Variants in KCNT1 observed in about 807,000 individuals in gnomAD.
KCNT1 encodes the protein potassium channel subfamily T member 1.
In KCNT1, 78 loss-of-function variants were observed where a neutral mutation model predicts 147.8. The ratio of observed to expected loss-of-function variants is 0.53; its 90% CI spans 0.44 to 0.64. The LOEUF is 0.64. Ranked by LOEUF, KCNT1 falls within the 30% of genes least tolerant of loss-of-function variation. The probability of loss-of-function intolerance (pLI) is 0.00; values close to 1 mark genes in which losing one functional copy is unlikely to be tolerated. For synonymous variants in KCNT1, 867 were observed against 748.8 expected, an observed-to-expected ratio of 1.16 and a Z score of -2.58; for missense variants, 1,419 against 1,750.3, an observed-to-expected ratio of 0.81 and a Z score of 3.38.
Position 135,702,194 on chromosome 9 carries a change from C to T in KCNT1, c.-65C>T, listed in dbSNP as rs1835059422. On this transcript the variant is annotated 5_prime_UTR_variant, in exon 1 of 31. Transcript: ENST00000371757. Reference sequence around the variant, plus strand: ...AAAAAAAATGTTTTTCAGGGCAACGCGAGGGAAGAAGGTGGCGGCTCCCAC... The same window carrying T: ...AAAAAAAATGTTTTTCAGGGCAACGTGAGGGAAGAAGGTGGCGGCTCCCAC... The T allele has an allele frequency of 8.2e-7, 1 of 1,215,960 alleles. No individual in the cohort carries two copies. Among genetic ancestry groups the T allele is most frequent in the Admixed American group, 2.0e-5 (1 of 50,010 alleles). 75.3% of individuals were successfully genotyped at this position (1,215,960 alleles called of 1,614,324 possible).
In KCNT1 at chr9:135,777,321, C is replaced by G. The variant is rs1057522624; in HGVS notation, c.2350-17C>G. The G allele has an allele frequency of 6.2e-7, 1 of 1,609,586 alleles. No homozygotes were observed. The highest frequency in any genetic ancestry group is 8.5e-7 in the Non-Finnish European group (1 of 1,177,386). ...CACAGCCCTGACTCCAGCCCTGACT[C>G]CAGCATCTGCCCCCAGGGCTGCAAG... On this transcript the variant is annotated splice_polypyrimidine_tract_variant and intron_variant, in intron 20 of 30. Coordinates refer to ENST00000371757, the MANE Select transcript of KCNT1 (RefSeq NM_020822.3).
intron 11 of KCNT1, among the ~76,000 whole-genome samples, chr9:135,760,249 G>A (rs1037004275): frequency 3.2e-4 from 48 of 152,296 alleles, no homozygotes; most frequent in African/African-American, 1.1e-3. Context: ...ACACCCCCCC[G>A]GCCACCCCAG....
At chr9:135,770,140 T>TGGGCTTCCCAGAGGAG (rs1238532652) in intron 16 of KCNT1, 85 bp downstream of exon 16, 26 of 1,405,430 alleles carry the variant, frequency 1.8e-5, no homozygotes, top group Non-Finnish European at 2.1e-5. Context: ...GGGGCGGGGA[T>TGGGCTTCCCAGAGGAG]GGGCTTCCCA....
At chr9:135,771,213 C>A in intron 18 of KCNT1, 118 bp downstream of exon 18, 2 of 879,732 alleles carry the variant, frequency 2.3e-6, no homozygotes, top group Non-Finnish European at 1.7e-6. Flanking sequence ...GGGAGGTGAC[C>A]AGGTGGGACA....
At position 135,784,559 on chromosome 9, in the gene KCNT1, A is replaced by G. The variant is rs1833884066; in HGVS notation, c.2968A>G (p.Thr990Ala). 6.8e-7 allele frequency: 1 copy of G among 1,462,560 alleles called. No homozygotes were observed. The highest frequency in any genetic ancestry group is 9.1e-7 in the Non-Finnish European group (1 of 1,100,098). 90.6% of individuals were successfully genotyped at this position (1,462,560 alleles called of 1,614,324 possible). The change falls in exon 26 of 31, where the codon ACC becomes GCC. Residue 990 changes from threonine (T) to alanine (A), a missense_variant. Around this residue, in one of 5 missense-constraint regions of KCNT1, gnomAD observed 247 missense variants for 397.1 expected, o/e 0.62. Coordinates refer to ENST00000371757, the MANE Select transcript of KCNT1 (RefSeq NM_020822.3). ...YQSFVKDYMI[T>A]ITRLLLGLDT... ...GTCCTTCGTGAAGGACTACATGATC[A>G]CCATCACCCGGCTGCTGCTGGGCCT... is the stretch of plus-strand genomic sequence containing the variant.
At position 135,784,638 on chromosome 9, in the gene KCNT1, C is replaced by G. The variant is rs1266124709; in HGVS notation, c.3027+20C>G. The G allele has an allele frequency of 2.5e-6, 4 of 1,611,586 alleles. No homozygotes were observed. Among genetic ancestry groups the G allele is most frequent in the Non-Finnish European group, 2.5e-6 (3 of 1,179,268 alleles). On this transcript the variant is annotated intron_variant, in intron 26 of 30. Coordinates refer to ENST00000371757, the MANE Select transcript of KCNT1 (RefSeq NM_020822.3). Reference sequence around the variant, plus strand: ...TGTGCCGTAAGTGCCCCTGGCTGCGCTGGGCTGGGGGCGTGCTGGGCTGTC... The same window carrying G: ...TGTGCCGTAAGTGCCCCTGGCTGCGGTGGGCTGGGGGCGTGCTGGGCTGTC...
At chr9:135,783,305 T>A (rs1364635225) in intron 24 of KCNT1, among the ~76,000 whole-genome samples, 1 of 152,164 alleles carries the variant, frequency 6.6e-6, no homozygotes, top group East Asian at 1.9e-4. Context: ...GGGAAGAAGC[T>A]GCACGGCCAG....
intron 29 of KCNT1, among the ~76,000 whole-genome samples, chr9:135,787,784 C>A (rs1255967958): frequency 6.6e-6 from 1 of 152,202 alleles, no homozygotes; most frequent in Non-Finnish European, 1.5e-5. Flanking sequence ...GACTTCACGC[C>A]CTTTCAGGTG....
rs561516413 is a variant in KCNT1 at position 135,765,337 on chromosome 9, G to A, written c.1200+142G>A. 24 of 773,472 alleles carry A rather than the reference G, an allele frequency of 3.1e-5. No homozygotes were observed. In the East Asian group the frequency reaches 3.6e-4, roughly 12 times the overall value. 47.9% of individuals were successfully genotyped at this position (773,472 alleles called of 1,614,324 possible). A position where few individuals can be genotyped will look rare whatever the true frequency, so the allele number is the denominator to read the frequency against. ...CAGTGAGGGCAGATGCCTCCCTCCC[G>A]GCGCCCAGAGACGCCATCCTCTCCC... On this transcript the variant is annotated intron_variant, in intron 12 of 30. Coordinates refer to ENST00000371757, the MANE Select transcript of KCNT1 (RefSeq NM_020822.3).
intron 2 of KCNT1, among the ~76,000 whole-genome samples, chr9:135,721,417 C>T (rs1231174968): frequency 3.9e-5 from 6 of 152,196 alleles, no homozygotes; most frequent in African/African-American, 1.2e-4. Context: ...TGGCCCTTCT[C>T]GCCCTGGGGC....
intron 1 of KCNT1, among the ~76,000 whole-genome samples, chr9:135,703,582 C>T (rs1481018639): frequency 1.3e-5 from 2 of 152,148 alleles, no homozygotes; most frequent in Non-Finnish European, 2.9e-5. Flanking sequence ...ACAGCCTGGA[C>T]GTGCTCTGAG....
At position 135,753,870 on chromosome 9, in the gene KCNT1, C is replaced by T. The variant is rs12378616; in HGVS notation, c.435-67C>T. 0.29 allele frequency: 449,711 copies of T among 1,570,176 alleles called. 66,668 individuals are homozygous for T. Among genetic ancestry groups the T allele is most frequent in the Middle Eastern group, 0.35 (2,115 of 5,966 alleles). On this transcript the variant is annotated intron_variant, in intron 4 of 30. Coordinates refer to ENST00000371757, the MANE Select transcript of KCNT1 (RefSeq NM_020822.3). ...ATGAACCCGAGCCTGTGGAAGCCCT[C>T]GGGCAGCAAGTCCTTGCAGTGGTGC...
At chr9:135,704,383 A>G (rs1055460585) in intron 1 of KCNT1, among the ~76,000 whole-genome samples, 1 of 152,204 alleles carries the variant, frequency 6.6e-6, no homozygotes, top group African/African-American at 2.4e-5. Context: ...TCCCTGAGTC[A>G]GCCTCAAGGC....
At chr9:135,787,816 G>C (rs936579244) in intron 29 of KCNT1, among the ~76,000 whole-genome samples, 1 of 152,228 alleles carries the variant, frequency 6.6e-6, no homozygotes, top group African/African-American at 2.4e-5. Context: ...GCTGAGGGGG[G>C]TGCCCAGCAT....
intron 13 of KCNT1, among the ~76,000 whole-genome samples, chr9:135,767,896 C>T (rs2131490053): frequency 6.6e-6 from 1 of 152,164 alleles, no homozygotes; most frequent in East Asian, 2.0e-4. Context: ...CCACTCAGGG[C>T]CGTGGCCAGG....
chr9:135,720,061 T>A (rs1835864309), intron 2 of KCNT1, among the ~76,000 whole-genome samples: 1 of 151,930 alleles, frequency 6.6e-6, no homozygotes, highest in South Asian at 2.1e-4. Flanking sequence ...GCGTGGAGGA[T>A]GGACCCCTGC....
At chr9:135,724,281 G>A (rs1421848372) in intron 2 of KCNT1, among the ~76,000 whole-genome samples, 1 of 152,248 alleles carries the variant, frequency 6.6e-6, no homozygotes, top group Non-Finnish European at 1.5e-5. Flanking sequence ...GGCACCATCT[G>A]CACAGGTGGG....
intron 2 of KCNT1, among the ~76,000 whole-genome samples, chr9:135,735,109 CG>C (rs1399174331): frequency 6.6e-6 from 1 of 152,176 alleles, no homozygotes; most frequent in East Asian, 1.9e-4. Flanking sequence ...AGAGGGTACT[CG>C]TGCTTTGCAG....
At chr9:135,786,934 C>T (rs1834101740) in intron 29 of KCNT1, among the ~76,000 whole-genome samples, 1 of 152,218 alleles carries the variant, frequency 6.6e-6, no homozygotes, top group Admixed American at 6.5e-5. Context: ...AGGCTGGGCT[C>T]CCCAAGTCGA....
Sources: allele counts gnomAD v4.1 joint callset (sites outside exome capture counted in the v4.1 genomes callset), GRCh38; gene constraint gnomAD v4.1.1; regional missense constraint gnomAD v4.1.1; transcripts MANE v1.5; gene names NCBI Gene and HGNC (gene_info 2026-07-23, HGNC 2026-07-21).